The following ADK variants were observed in gnomAD, a reference collection of about 807,000 sequenced individuals.
ADK encodes the protein N6,N6-dimethyladenosine kinase.
Under a neutral mutation model 44.7 loss-of-function variants are expected in ADK, and 24 were observed. The observed-to-expected ratio is 0.54, with a 90% CI of 0.39 to 0.76. The LOEUF (loss-of-function observed/expected upper bound fraction) is 0.76, where lower values mean the gene tolerates loss of function less well. Ranked by LOEUF, ADK falls within the 30% of genes least tolerant of loss-of-function variation. ADK has a pLI of 0.00. For missense variants in ADK, 321 were observed against 425.1 expected, an observed-to-expected ratio of 0.76 and a Z score of 2.15; for synonymous variants, 128 against 142.6, an observed-to-expected ratio of 0.90 and a Z score of 0.73.
At chr10:74,277,689 G>A (rs541750577) in intron 3 of ADK, among the ~76,000 whole-genome samples, 4 of 152,158 alleles carry the variant, frequency 2.6e-5, no homozygotes, top group Middle Eastern at 3.4e-3. Flanking sequence ...GTGAGCCACC[G>A]CGCCCAGCTA....
At chr10:74,273,148 A>G (rs1846506385) in intron 3 of ADK, among the ~76,000 whole-genome samples, 2 of 151,624 alleles carry the variant, frequency 1.3e-5, no homozygotes, top group Non-Finnish European at 2.9e-5. Flanking sequence ...GAAAACCTTC[A>G]GCTGTCTGGC....
intron 6 of ADK, among the ~76,000 whole-genome samples, chr10:74,432,738 T>C (rs1564719134): frequency 6.6e-6 from 1 of 152,180 alleles, no homozygotes; most frequent in Non-Finnish European, 1.5e-5. Flanking sequence ...TTGTTATATA[T>C]TTTGAGTACT....
intron 4 of ADK, among the ~76,000 whole-genome samples, chr10:74,335,816 A>G (rs959563550): frequency 5.3e-5 from 8 of 152,084 alleles, no homozygotes; most frequent in Non-Finnish European, 2.9e-5. Flanking sequence ...TGCTATCTGT[A>G]TATGTTCTTT....
At position 74,590,317 on chromosome 10, in the gene ADK, G is replaced by A. The variant is rs1382874049; in HGVS notation, c.762+1000G>A. ...TCTATCAAACAGGGAAGAGGTGAGT[G>A]GTGATTGAATAGTATCAGTAAGGAC... is the stretch of plus-strand genomic sequence containing the variant. On this transcript the variant is annotated intron_variant, in intron 8 of 10. Transcript: ENST00000539909. Among the ~76,000 whole-genome samples the A allele has an allele frequency of 5.9e-5, 9 of 152,224 alleles. No individual in the cohort carries two copies. The East Asian group carries it at 1.7e-3, about 29-fold the overall frequency.
chr10:74,332,307 G>T (rs533779518), intron 4 of ADK, among the ~76,000 whole-genome samples: 2 of 152,306 alleles, frequency 1.3e-5, no homozygotes, highest in East Asian at 1.9e-4. Context: ...ACCCTGAAAT[G>T]ATTGTATTTT....
At chr10:74,379,896 C>T (rs1332531656) in intron 4 of ADK, among the ~76,000 whole-genome samples, 2 of 151,964 alleles carry the variant, frequency 1.3e-5, no homozygotes, top group Non-Finnish European at 2.9e-5. Context: ...TGATGGCTTG[C>T]ACATGTAGTT....
Position 74,708,747 on chromosome 10 carries a change from A to G in ADK, c.*302A>G. The stretch of plus-strand genomic sequence containing the variant: ...TCAATTACTTTGTAAATTCGTGTGT[A>G]TTTAGTACACTGATTTGTTTTTTTA... On this transcript the variant is annotated 3_prime_UTR_variant, in exon 11 of 11. Coordinates refer to ENST00000539909, the MANE Select transcript of ADK (RefSeq NM_006721.4). The G allele has an allele frequency of 3.5e-6, 1 of 289,776 alleles. No individual in the cohort carries two copies. Among genetic ancestry groups the G allele is most frequent in the East Asian group, 8.7e-5 (1 of 11,478 alleles). 18.0% of individuals were successfully genotyped at this position (289,776 alleles called of 1,614,324 possible). A position where few individuals can be genotyped will look rare whatever the true frequency, so the allele number is the denominator to read the frequency against.
intron 6 of ADK, among the ~76,000 whole-genome samples, chr10:74,429,630 G>T (rs1433201296): frequency 6.6e-6 from 1 of 152,116 alleles, no homozygotes; most frequent in Non-Finnish European, 1.5e-5. Context: ...ATGACCAGAA[G>T]AGGAGCAGGA....
intron 9 of ADK, among the ~76,000 whole-genome samples, chr10:74,622,900 G>A (rs951356203): frequency 6.6e-6 from 1 of 152,056 alleles, no homozygotes; most frequent in African/African-American, 2.4e-5. Context: ...CCAGCTACTC[G>A]GGAGGCTGAG....
intron 7 of ADK, among the ~76,000 whole-genome samples, chr10:74,588,358 G>A (rs1459674220): frequency 1.3e-5 from 2 of 151,936 alleles, no homozygotes; most frequent in African/African-American, 4.8e-5. Context: ...ACCAATTAAG[G>A]TTTATACATT....
At chr10:74,542,999 C>G (rs1391193467) in intron 7 of ADK, among the ~76,000 whole-genome samples, 3 of 151,884 alleles carry the variant, frequency 2.0e-5, no homozygotes, top group Non-Finnish European at 4.4e-5. Flanking sequence ...TTCCCGGGTT[C>G]AAGGGATTCT....
intron 4 of ADK, among the ~76,000 whole-genome samples, chr10:74,321,884 A>G (rs1237662323): frequency 6.6e-6 from 1 of 152,218 alleles, no homozygotes; most frequent in Non-Finnish European, 1.5e-5. Flanking sequence ...AAAAACACTA[A>G]ACAAAAGAAG....
chr10:74,227,059 A>G (rs1192169132), intron 3 of ADK, among the ~76,000 whole-genome samples: 2 of 152,324 alleles, frequency 1.3e-5, no homozygotes, highest in South Asian at 2.1e-4. Flanking sequence ...TTGCAACTCA[A>G]ATAGCCAAAA....
chr10:74,155,298 C>A (rs1841715043), intron 1 of ADK, among the ~76,000 whole-genome samples: 1 of 151,954 alleles, frequency 6.6e-6, no homozygotes, highest in Non-Finnish European at 1.5e-5. Context: ...GTCTGGGCAA[C>A]AAAATGAGAC....
chr10:74,170,821 AAGAT>A (rs1418428353), intron 1 of ADK, among the ~76,000 whole-genome samples: 6 of 151,342 alleles, frequency 4.0e-5, no homozygotes, highest in Non-Finnish European at 7.4e-5. Context: ...AAAAAGAAAA[AAGAT>A]AGTTGATATT....
chr10:74,670,168 T>TC lies in ADK; in HGVS notation c.878-15_878-14insC. 6.2e-7 allele frequency: 1 copy of TC among 1,608,958 alleles called. No individual in the cohort carries two copies. The highest frequency in any genetic ancestry group is 1.1e-5 in the South Asian group (1 of 90,964). On this transcript the variant is annotated splice_polypyrimidine_tract_variant and intron_variant, in intron 9 of 10. Coordinates refer to ENST00000539909, the MANE Select transcript of ADK (RefSeq NM_006721.4). ...AAAGAGAAGTCATTCTGCCTTTCTT[T>TC]GGCTCTAATTGCAGAAAGTGAAGTC...
intron 4 of ADK, among the ~76,000 whole-genome samples, chr10:74,369,847 A>G (rs1489652420): frequency 1.3e-5 from 2 of 152,202 alleles, no homozygotes; most frequent in Non-Finnish European, 2.9e-5. Flanking sequence ...TAAATCAATC[A>G]TTATACTTCA....
intron 7 of ADK, among the ~76,000 whole-genome samples, chr10:74,541,537 A>C (rs1032746612): frequency 6.6e-6 from 1 of 152,088 alleles, no homozygotes; most frequent in Non-Finnish European, 1.5e-5. Flanking sequence ...TTTTTTGTAG[A>C]ATGCCCTTCA....
intron 6 of ADK, among the ~76,000 whole-genome samples, chr10:74,456,074 C>T (rs1242119639): frequency 8.6e-5 from 13 of 152,038 alleles, no homozygotes; most frequent in Non-Finnish European, 7.4e-5. Context: ...TCTTAGCCTC[C>T]CACACAATAA....
Sources: allele counts gnomAD v4.1 joint callset (sites outside exome capture counted in the v4.1 genomes callset), GRCh38; gene constraint gnomAD v4.1.1; transcripts MANE v1.5; gene names NCBI Gene and HGNC (gene_info 2026-07-23, HGNC 2026-07-21).